NEB: variants seen among roughly 807,000 people sequenced by gnomAD.
NEB encodes the protein nemaline myopathy type 2.
A neutral mutation model predicts 952.2 loss-of-function variants in NEB; 512 were observed. That is an observed-to-expected ratio of 0.54 (90% CI 0.50 to 0.58). The LOEUF (loss-of-function observed/expected upper bound fraction) is 0.58, where lower values mean the gene tolerates loss of function less well. Ranked by LOEUF, NEB falls within the 20% of genes least tolerant of loss-of-function variation. The pLI is 0.00. For synonymous variants in NEB, 2,900 were observed against 3,149.8 expected, an observed-to-expected ratio of 0.92 and a Z score of 2.66; for missense variants, 8,428 against 9,231.1, an observed-to-expected ratio of 0.91 and a Z score of 3.56.
intron 156 of NEB, 55 bp downstream of exon 156, chr2:151,518,263 C>G: frequency 7.8e-7 from 1 of 1,277,006 alleles, no homozygotes; most frequent in Admixed American, 1.7e-5. Context: ...TTTTTTTTCA[C>G]ATTGTACTGT....
At position 151,691,976 on chromosome 2, in the gene NEB, G is replaced by A. The variant is rs369441230; in HGVS notation, c.2107-8C>T. The A allele has an allele frequency of 5.2e-5, 84 of 1,609,582 alleles. No homozygotes were observed. In the African/African-American group the frequency reaches 1.1e-3, roughly 21 times the overall value. Reference sequence around the variant, plus strand: ...TTCTGCTTTGTAACTTTTCTATAATGAGAAAAACCAAAAATAGATCATGAT... The same window carrying A: ...TTCTGCTTTGTAACTTTTCTATAATAAGAAAAACCAAAAATAGATCATGAT... On this transcript the variant is annotated splice_polypyrimidine_tract_variant and splice_region_variant and intron_variant, in intron 22 of 181. Coordinates refer to ENST00000397345, the MANE Select transcript of NEB (RefSeq NM_001164508.2).
At chr2:151,671,699 A>C (rs753302781) in intron 37 of NEB, among the ~76,000 whole-genome samples, 44 of 152,212 alleles carry the variant, frequency 2.9e-4, no homozygotes, top group Non-Finnish European at 4.7e-4. Flanking sequence ...TCCACTGAAG[A>C]CTTCAAAACT....
Position 151,612,212 on chromosome 2 carries a change from T to C in NEB, c.11779A>G (p.Lys3927Glu). 6.2e-7 allele frequency: 1 copy of C among 1,613,794 alleles called. No homozygotes were observed. Among genetic ancestry groups the C allele is most frequent in the Middle Eastern group, 1.7e-4 (1 of 6,046 alleles). Residue 3927 changes from lysine to glutamate, a missense_variant, in exon 78 of 182, where the codon AAG (lysine) becomes GAG (glutamate). Lys to Glu is a moderately conservative substitution (Grantham distance 56). This residue lies in a region of NEB where 337 missense variants were observed against 297.5 expected (regional missense o/e 1.13). Transcript: ENST00000397345. Reference sequence around the variant, plus strand: ...TTGCTCATTGTCAGGGCATTATTCTTTGCTAGGACAATTTCCGGAGTGTCG... The same window carrying C: ...TTGCTCATTGTCAGGGCATTATTCTCTGCTAGGACAATTTCCGGAGTGTCG... ...ITDTPEIVLAKNNALTMSKHL... is the reference protein window; with the variant it reads ...ITDTPEIVLAENNALTMSKHL...
chr2:151,665,025 A>G (rs12328501), intron 42 of NEB, among the ~76,000 whole-genome samples, 162 bp from the exon 43 acceptor site: 41,349 of 152,052 alleles, frequency 0.27, 7,588 homozygotes, highest in East Asian at 0.54. Context: ...AATACACAAT[A>G]AGAAAAAAAT....
chr2:151,567,391 T>A lies in NEB; in HGVS notation c.17933A>T (p.Glu5978Val). The A allele has an allele frequency of 6.2e-7, 1 of 1,613,810 alleles. No individual in the cohort carries two copies. Among genetic ancestry groups the A allele is most frequent in the Non-Finnish European group, 8.5e-7 (1 of 1,179,800 alleles). The change falls in exon 114 of 182, where the codon GAG (glutamate) becomes GTG (valine). Residue 5978 changes from glutamate (E) to valine (V), a missense_variant. Around this residue, in one of 11 missense-constraint regions of NEB, gnomAD observed 3,374 missense variants for 3,651.5 expected, o/e 0.92. Coordinates refer to ENST00000397345, the MANE Select transcript of NEB (RefSeq NM_001164508.2). Reference sequence around the variant, plus strand: ...CTCATTCTGAATCTGGCCTGCATGCTCAAACCAAACCAGCTTAGGATCATC... The same window carrying A: ...CTCATTCTGAATCTGGCCTGCATGCACAAACCAAACCAGCTTAGGATCATC... The part of the protein sequence containing the change: ...MRDDPKLVWF[E>V]HAGQIQNERL...
At chr2:151,662,057 A>G in intron 46 of NEB, 78 bp downstream of exon 46, 1 of 1,333,246 alleles carries the variant, frequency 7.5e-7, no homozygotes, top group Non-Finnish European at 1.0e-6. Flanking sequence ...CTGTATTAGC[A>G]AAACCTGTGG....
intron 68 of NEB, among the ~76,000 whole-genome samples, chr2:151,628,610 G>C (rs1574316583): frequency 6.6e-6 from 1 of 152,254 alleles, no homozygotes; most frequent in African/African-American, 2.4e-5. Flanking sequence ...GGAAGCCGAG[G>C]GAGGCGGATC....
At position 151,560,711 on chromosome 2, in the gene NEB, A is replaced by G. The variant is rs1427661075; in HGVS notation, c.19207-12T>C. Reference sequence around the variant, plus strand: ...TCCTTGTACAGGTTCTGCAGGAATTAAAGACCTTCTTGTGAATATGGGAAA... The same window carrying G: ...TCCTTGTACAGGTTCTGCAGGAATTGAAGACCTTCTTGTGAATATGGGAAA... On this transcript the variant is annotated splice_polypyrimidine_tract_variant and intron_variant, in intron 123 of 181. Coordinates refer to ENST00000397345, the MANE Select transcript of NEB (RefSeq NM_001164508.2). 4 of 1,591,128 alleles carry G rather than the reference A, an allele frequency of 2.5e-6. No individual in the cohort carries two copies. The Admixed American group carries it at 6.8e-5, about 27-fold the overall frequency.
rs559180928 is a variant in NEB, at chr2:151,522,911, C to G, written c.22479+1400G>C. Among the ~76,000 whole-genome samples, 16 of 152,266 alleles carry G rather than the reference C, an allele frequency of 1.1e-4. No individual in the cohort carries two copies. In the East Asian group the frequency reaches 1.2e-3, roughly 11 times the overall value. Reference sequence around the variant, plus strand: ...AGCTGAAGCGCCCTTGGGCCCAGGGCCACACCATGAAGCTGTCAATCCGGA... The same window carrying G: ...AGCTGAAGCGCCCTTGGGCCCAGGGGCACACCATGAAGCTGTCAATCCGGA... On this transcript the variant is annotated intron_variant, in intron 153 of 181. Transcript: ENST00000397345.
At position 151,583,847 on chromosome 2, in the gene NEB, T is replaced by C; in HGVS notation, c.15664-81A>G. The stretch of plus-strand genomic sequence containing the variant: ...GGTTTTCTAATTTAAATGGTTTCAG[T>C]ATGTTTTCTTAGCCTTGGTATAAAT... On this transcript the variant is annotated intron_variant, in intron 100 of 181. Transcript: ENST00000397345. 4.2e-6 allele frequency: 2 copies of C among 473,052 alleles called. 1 individual carries two copies. The highest frequency in any genetic ancestry group is 7.3e-6 in the Non-Finnish European group (2 of 274,170). 29.3% of individuals were successfully genotyped at this position (473,052 alleles called of 1,614,324 possible).
rs927709744 is a variant in NEB at position 151,503,507 on chromosome 2, A to G, written c.23743-66T>C. ...CGTAAATCCTTTAGATAGCAGCCAC[A>G]TGTGGGCTATTTGGGGGAAACTCAT... On this transcript the variant is annotated intron_variant, in intron 165 of 181. Transcript: ENST00000397345. 6.6e-6 allele frequency: 7 copies of G among 1,063,722 alleles called. No homozygotes were observed. In the African/African-American group the frequency reaches 9.4e-5, roughly 14 times the overall value. The allele number at this position is 1,063,722 out of a possible 1,614,324, so 65.9% of individuals were successfully genotyped here. A position where few individuals can be genotyped will look rare whatever the true frequency, so the allele number is the denominator to read the frequency against.
intron 173 of NEB, 35 bp from the exon 174 acceptor site, chr2:151,494,288 G>C (rs1559167623): frequency 1.4e-6 from 2 of 1,404,868 alleles, no homozygotes; most frequent in African/African-American, 1.4e-5. Context: ...AAGCCAAAAA[G>C]AAAAAGAGTT....
At chr2:151,627,882 T>C in intron 68 of NEB, 48 bp from the exon 69 acceptor site, 2 of 1,561,434 alleles carry the variant, frequency 1.3e-6, no homozygotes, top group Non-Finnish European at 1.7e-6. Context: ...TAGAAAGGCT[T>C]AGAAGCCTCA....
At chr2:151,676,281 G>C (rs2099358576) in intron 34 of NEB, among the ~76,000 whole-genome samples, 1 of 152,190 alleles carries the variant, frequency 6.6e-6, no homozygotes, top group Non-Finnish European at 1.5e-5. Flanking sequence ...AGCAATGACA[G>C]ATTCATGAAT....
At chr2:151,665,164 T>C (rs1337575887) in intron 42 of NEB, among the ~76,000 whole-genome samples, 169 bp downstream of exon 42, 1 of 152,096 alleles carries the variant, frequency 6.6e-6, no homozygotes, top group African/African-American at 2.4e-5. Flanking sequence ...GAGGGGTCAC[T>C]ATGAAAGAGA....
chr2:151,716,198 G>T (rs1437234601), intron 10 of NEB: 1 of 405,866 alleles, frequency 2.5e-6, no homozygotes, highest in Admixed American at 3.1e-5. Context: ...GAGTGTAATG[G>T]CACAATCTTG....
chr2:151,708,597 G>A (rs1448990524), intron 12 of NEB, among the ~76,000 whole-genome samples: 3 of 152,120 alleles, frequency 2.0e-5, no homozygotes, highest in Admixed American at 2.0e-4. Context: ...CCAGACTCAT[G>A]GCATGAAACA....
chr2:151,713,559 G>A (rs2099751059), intron 10 of NEB, among the ~76,000 whole-genome samples: 1 of 152,166 alleles, frequency 6.6e-6, no homozygotes, highest in Admixed American at 6.5e-5. Flanking sequence ...TTAGGCTCCA[G>A]TTGGTATCAG....
chr2:151,680,119 G>T, intron 30 of NEB, 97 bp from the exon 31 acceptor site: 3 of 921,402 alleles, frequency 3.3e-6, no homozygotes, highest in Non-Finnish European at 5.1e-6. Context: ...TTTCACAGAG[G>T]TGGTTTTAGG....
Sources: allele counts gnomAD v4.1 joint callset (sites outside exome capture counted in the v4.1 genomes callset), GRCh38; gene constraint gnomAD v4.1.1; regional missense constraint gnomAD v4.1.1; transcripts MANE v1.5; gene names NCBI Gene and HGNC (gene_info 2026-07-23, HGNC 2026-07-21).